The following KCNQ1 variants were observed in gnomAD, a reference collection of about 807,000 sequenced individuals.
KCNQ1 encodes potassium voltage-gated channel subfamily Q member 1, also known as potassium voltage-gated channel subfamily KQT member 1.
KCNQ1 carries 49 observed loss-of-function variants against 72.4 expected under a neutral mutation model. The observed-to-expected ratio is 0.68, with a 90% confidence interval of 0.54 to 0.86. The LOEUF (loss-of-function observed/expected upper bound fraction) is 0.86. Ranked by LOEUF, KCNQ1 falls within the 40% of genes least tolerant of loss-of-function variation. The pLI is 0.00. For synonymous variants in KCNQ1, 450 were observed against 412.6 expected, an observed-to-expected ratio of 1.09 and a Z score of -1.10; for missense variants, 790 against 945.1, an observed-to-expected ratio of 0.84 and a Z score of 2.15.
At position 2,484,088 on chromosome 11, in the gene KCNQ1, T is replaced by C. The variant is rs562697369; in HGVS notation, c.386+38604T>C. ...TTCTGGTTATGTATCCAGTGGCTTATGTATATCAGCATGGTTTCATAGATA... is the reference window on the plus strand; with the variant it reads ...TTCTGGTTATGTATCCAGTGGCTTACGTATATCAGCATGGTTTCATAGATA... On this transcript the variant is annotated intron_variant, in intron 1 of 15. Transcript: ENST00000155840. The surrounding 1 kb of genome is among the most constrained non-coding windows in gnomAD (Gnocchi z 5.2). Among the ~76,000 whole-genome samples the C allele has an allele frequency of 2.8e-3, 426 of 152,356 alleles. 1 individual carries two copies. The highest frequency in any genetic ancestry group is 9.4e-3 in the African/African-American group (391 of 41,574).
At chr11:2,535,048 G>A (rs1183018496) in intron 2 of KCNQ1, among the ~76,000 whole-genome samples, 3 of 152,210 alleles carry the variant, frequency 2.0e-5, no homozygotes, top group Admixed American at 6.5e-5. Context: ...CCCAGGGCAC[G>A]GGGTGGCCTG....
intron 1 of KCNQ1, among the ~76,000 whole-genome samples, chr11:2,513,862 G>C (rs1847247413): frequency 6.6e-6 from 1 of 152,232 alleles, no homozygotes; most frequent in African/African-American, 2.4e-5. Context: ...GCCAGGTGCA[G>C]AAAGAGAATT....
chr11:2,557,161 G>A (rs925460644), intron 2 of KCNQ1, among the ~76,000 whole-genome samples: 1 of 152,152 alleles, frequency 6.6e-6, no homozygotes, highest in African/African-American at 2.4e-5. Context: ...AAGAAGAAAA[G>A]GAGAGAAAAA....
rs543353231 is a variant in KCNQ1 at position 2,767,412 on chromosome 11, T to C, written c.1515-1432T>C. The stretch of plus-strand genomic sequence containing the variant: ...ACAAGGTGACCCCAAATTCAAGTAA[T>C]AGGAAAACAGACTCCATCTCTTAAT... On this transcript the variant is annotated intron_variant, in intron 11 of 15. Transcript: ENST00000155840. The surrounding 1 kb of genome is among the most constrained non-coding windows in gnomAD (Gnocchi z 4.6). 6.6e-6 allele frequency among the ~76,000 whole-genome samples: 1 copy of C among 152,232 alleles called. No homozygotes were observed. Among genetic ancestry groups the C allele is most frequent in the African/African-American group, 2.4e-5 (1 of 41,534 alleles).
chr11:2,465,772 TC>T (rs1171798969), intron 1 of KCNQ1, among the ~76,000 whole-genome samples: 1 of 152,168 alleles, frequency 6.6e-6, no homozygotes, highest in African/African-American at 2.4e-5. Flanking sequence ...GAGCCTGTGT[TC>T]CGGGCAGGCT....
intron 12 of KCNQ1, chr11:2,771,475 TGTGGCTGAACCAAGAAAAAAA>T (rs1773539350): frequency 6.6e-6 from 1 of 152,252 alleles, no homozygotes; most frequent in African/African-American, 2.4e-5. Context: ...GTAAGTTTGA[TGTGGCTGAACCAAGAAAAAAA>T]GCACACGATT....
intron 1 of KCNQ1, among the ~76,000 whole-genome samples, chr11:2,456,810 G>A (rs1359510923): frequency 6.8e-6 from 1 of 146,820 alleles, no homozygotes; most frequent in African/African-American, 2.5e-5. Context: ...GTGGGGGTGG[G>A]CGCCTGTAGT....
At chr11:2,501,718 C>CAAAAAAAA (rs55865890) in intron 1 of KCNQ1, among the ~76,000 whole-genome samples, 15 of 68,902 alleles carry the variant, frequency 2.2e-4, no homozygotes, top group South Asian at 7.6e-4. Context: ...AAAGATACAT[C>CAAAAAAAA]AAAAAAAAAA....
intron 14 of KCNQ1, chr11:2,777,452 T>G (rs987547144): frequency 7.6e-6 from 4 of 528,044 alleles, no homozygotes; most frequent in Non-Finnish European, 1.3e-5. Context: ...GGCTGCAGCC[T>G]GGGGGCTGGT....
chr11:2,610,837 A>G (rs1308198288), intron 10 of KCNQ1: 2 of 394,918 alleles, frequency 5.1e-6, no homozygotes, highest in African/African-American at 4.2e-5. Flanking sequence ...CCCTGACACC[A>G]GAACAGGGGA....
rs1451883398 is a variant in KCNQ1 at position 2,723,162 on chromosome 11, C to A, written c.1515-45682C>A. On this transcript the variant is annotated intron_variant, in intron 11 of 15. Transcript: ENST00000155840. The surrounding 1 kb of genome is among the most constrained non-coding windows in gnomAD (Gnocchi z 4.2). ...CCTTCCTCTTGGCTCCGCCTTCCTC[C>A]GTGGTGGCCTGAGAGGGGTGTGGTG... 1.3e-5 allele frequency among the ~76,000 whole-genome samples: 2 copies of A among 152,210 alleles called. No individual in the cohort carries two copies. Among genetic ancestry groups the A allele is most frequent in the Non-Finnish European group, 2.9e-5 (2 of 68,032 alleles).
intron 10 of KCNQ1, among the ~76,000 whole-genome samples, chr11:2,589,883 T>A (rs1226603126): frequency 6.6e-6 from 1 of 151,992 alleles, no homozygotes; most frequent in Non-Finnish European, 1.5e-5. Flanking sequence ...GAGACAAACA[T>A]CCTATAGGGC....
Position 2,785,251 on chromosome 11 carries a change from G to A in KCNQ1, c.1794+7214G>A, listed in dbSNP as rs1301041356. Among the ~76,000 whole-genome samples the A allele has an allele frequency of 6.6e-6, 1 of 151,912 alleles. No homozygotes were observed. Among genetic ancestry groups the A allele is most frequent in the Non-Finnish European group, 1.5e-5 (1 of 67,834 alleles). On this transcript the variant is annotated intron_variant, in intron 15 of 15. Transcript: ENST00000155840. The surrounding 1 kb of genome is among the most constrained non-coding windows in gnomAD (Gnocchi z 4.4). ...TTTCTGTGTCTAGTGAGATGGTCCT[G>A]TGGTTTTTATTCCTTATTCTACTGA... is the stretch of plus-strand genomic sequence containing the variant.
intron 11 of KCNQ1, among the ~76,000 whole-genome samples, chr11:2,743,905 C>CGGCA (rs1367650057): frequency 6.6e-6 from 1 of 152,208 alleles, no homozygotes; most frequent in Non-Finnish European, 1.5e-5. Context: ...TGTCACAGAA[C>CGGCA]GGCAGACTGG....
Position 2,494,711 on chromosome 11 carries a change from GC to G in KCNQ1, c.387-33216del. Among the ~76,000 whole-genome samples the G allele has an allele frequency of 6.6e-6, 1 of 152,312 alleles. No individual in the cohort carries two copies. Among genetic ancestry groups the G allele is most frequent in the South Asian group, 2.1e-4 (1 of 4,824 alleles). ...AAGCCCACTTGATCACCATGGATAA[GC>G]TTTTTGATGTGCTGCTGGATTCAGT... On this transcript the variant is annotated intron_variant, in intron 1 of 15. Coordinates refer to ENST00000155840, the MANE Select transcript of KCNQ1 (RefSeq NM_000218.3). This position sits in a 1 kb window ranked among gnomAD's most constrained non-coding sequence, Gnocchi z 4.6.
intron 15 of KCNQ1, among the ~76,000 whole-genome samples, chr11:2,794,011 C>T (rs1847082766): frequency 6.6e-6 from 1 of 152,082 alleles, no homozygotes; most frequent in Non-Finnish European, 1.5e-5. Flanking sequence ...TTGCAAAGGC[C>T]CTAGGGCACG....
At chr11:2,534,838 A>C (rs1847703384) in intron 2 of KCNQ1, among the ~76,000 whole-genome samples, 1 of 152,186 alleles carries the variant, frequency 6.6e-6, no homozygotes, top group African/African-American at 2.4e-5. Flanking sequence ...TTTATTAAGC[A>C]CCTACTGTGT....
Position 2,507,407 on chromosome 11 carries a change from G to A in KCNQ1, c.387-20521G>A, listed in dbSNP as rs1194262006. On this transcript the variant is annotated intron_variant, in intron 1 of 15. Coordinates refer to ENST00000155840, the MANE Select transcript of KCNQ1 (RefSeq NM_000218.3). This position sits in a 1 kb window ranked among gnomAD's most constrained non-coding sequence, Gnocchi z 5.4. Reference sequence around the variant, plus strand: ...ACTGAGGTGGCTGTGGGATGGGACGGCGTGGTTTGCTCTAGAGGGTTTGAA... The same window carrying A: ...ACTGAGGTGGCTGTGGGATGGGACGACGTGGTTTGCTCTAGAGGGTTTGAA... Among the ~76,000 whole-genome samples, 1 of 152,136 alleles carries A rather than the reference G, an allele frequency of 6.6e-6. No homozygotes were observed. Among genetic ancestry groups the A allele is most frequent in the African/African-American group, 2.4e-5 (1 of 41,420 alleles).
chr11:2,781,413 CA>C lies in KCNQ1; in HGVS notation c.1794+3377del, dbSNP rs1846820500. Among the ~76,000 whole-genome samples the C allele has an allele frequency of 6.6e-6, 1 of 152,116 alleles. No individual in the cohort carries two copies. Among genetic ancestry groups the C allele is most frequent in the East Asian group, 1.9e-4 (1 of 5,164 alleles). On this transcript the variant is annotated intron_variant, in intron 15 of 15. Coordinates refer to ENST00000155840, the MANE Select transcript of KCNQ1 (RefSeq NM_000218.3). The surrounding 1 kb of genome is among the most constrained non-coding windows in gnomAD (Gnocchi z 6.6). The stretch of plus-strand genomic sequence containing the variant: ...TGGAGAGGCTGAGGAGGGTTGAGGC[CA>C]GGGGCAGGCTGGGGGCACCAGCAGC...
Sources: allele counts gnomAD v4.1 joint callset (sites outside exome capture counted in the v4.1 genomes callset), GRCh38; gene constraint gnomAD v4.1.1; non-coding constraint Gnocchi (gnomAD v3.1); transcripts MANE v1.5; gene names NCBI Gene and HGNC (gene_info 2026-07-23, HGNC 2026-07-21).